The following PRKCH variants were observed in gnomAD, a reference collection of about 807,000 sequenced individuals.
PRKCH encodes the protein protein kinase C eta, also known as protein kinase C eta type.
Under a neutral mutation model 82.5 loss-of-function variants are expected in PRKCH, and 28 were observed. The ratio of observed to expected loss-of-function variants is 0.34; its 90% CI spans 0.25 to 0.47. PRKCH has a LOEUF of 0.47. Among genes scored for constraint, PRKCH ranks in the 20% least tolerant of loss-of-function variants. PRKCH has a pLI of 1.00. For synonymous variants in PRKCH, 322 were observed against 327.4 expected, an observed-to-expected ratio of 0.98 and a Z score of 0.18; for missense variants, 705 against 881.8, an observed-to-expected ratio of 0.80 and a Z score of 2.54.
intron 10 of PRKCH, among the ~76,000 whole-genome samples, chr14:61,526,956 G>A (rs2042973197): frequency 6.6e-6 from 1 of 152,228 alleles, no homozygotes; most frequent in Non-Finnish European, 1.5e-5. Context: ...AAGTGTAAAT[G>A]TCTCACCCAA....
chr14:61,443,900 T>A (rs1335828111), intron 3 of PRKCH, among the ~76,000 whole-genome samples: 2 of 152,216 alleles, frequency 1.3e-5, no homozygotes, highest in Non-Finnish European at 2.9e-5. Context: ...TCTTTAGTGA[T>A]AAATTAAGCA....
Position 61,512,182 on chromosome 14 carries a change from C to A in PRKCH, c.1434-16893C>A, listed in dbSNP as rs538555599. Reference sequence around the variant, plus strand: ...TGTCTGGCTCTGGGGATCAGAAGCACTCAGGGAGCTCTGAGGACAGGATTT... The same window carrying A: ...TGTCTGGCTCTGGGGATCAGAAGCAATCAGGGAGCTCTGAGGACAGGATTT... On this transcript the variant is annotated intron_variant, in intron 10 of 13. Transcript: ENST00000332981. Among the ~76,000 whole-genome samples, 13 of 151,036 alleles carry A rather than the reference C, an allele frequency of 8.6e-5. No homozygotes were observed. In the South Asian group the frequency reaches 2.5e-3, roughly 29 times the overall value.
chr14:61,407,327 A>G lies in PRKCH; in HGVS notation c.427+16039A>G, dbSNP rs374975308. ...CCTACCATTCTGAAGGCGGGACTGC[A>G]TGTCTAATACCACCATCTTATCTAA... On this transcript the variant is annotated intron_variant, in intron 2 of 13. Transcript: ENST00000332981. Among the ~76,000 whole-genome samples, 5 of 152,346 alleles carry G rather than the reference A, an allele frequency of 3.3e-5. No homozygotes were observed. In the South Asian group the frequency reaches 1.0e-3, roughly 32 times the overall value.
At chr14:61,293,590 T>A (rs1345285974) in intron 1 of PRKCH, among the ~76,000 whole-genome samples, 1 of 152,234 alleles carries the variant, frequency 6.6e-6, no homozygotes, top group East Asian at 1.9e-4. Context: ...CCTGAAGATT[T>A]TTTTTAAAAT....
intron 1 of PRKCH, among the ~76,000 whole-genome samples, chr14:61,355,658 A>C (rs2046138150): frequency 6.6e-6 from 1 of 152,198 alleles, no homozygotes; most frequent in African/African-American, 2.4e-5. Context: ...TCTCATATTC[A>C]ACATGGAAAT....
chr14:61,525,792 G>GGAATTTCCAA (rs2042957850), intron 10 of PRKCH: 1 of 152,264 alleles, frequency 6.6e-6, no homozygotes. Flanking sequence ...GAAACTCAGT[G>GGAATTTCCAA]ACCTTGTTTG....
At chr14:61,210,944 G>A (rs2044573937) in intron 1 of PRKCH, among the ~76,000 whole-genome samples, 2 of 152,196 alleles carry the variant, frequency 1.3e-5, no homozygotes, top group South Asian at 4.1e-4. Context: ...GAGGAATCTA[G>A]CGTTAACCCA....
chr14:61,475,558 T>C (rs947881883), intron 9 of PRKCH, among the ~76,000 whole-genome samples: 1 of 152,206 alleles, frequency 6.6e-6, no homozygotes, highest in Non-Finnish European at 1.5e-5. Context: ...TATCATGGCA[T>C]AGAGACTATA....
At chr14:61,509,061 C>T (rs1887269138) in intron 10 of PRKCH, among the ~76,000 whole-genome samples, 1 of 152,118 alleles carries the variant, frequency 6.6e-6, no homozygotes, top group South Asian at 2.1e-4. Context: ...GGTGCTGGAT[C>T]TGAGCCAGTC....
In PRKCH at chr14:61,443,145, T is replaced by G. The variant is rs1884057913; in HGVS notation, c.462T>G (p.Phe154Leu). Residue 154 changes from phenylalanine (F) to leucine (L), a missense_variant, in exon 3 of 14, where the codon TTT (phenylalanine) becomes TTG (leucine). Physicochemically the swap from Phe to Leu is conservative, Grantham distance 22. This residue lies in a region of PRKCH where 246 missense variants were observed against 308.0 expected (regional missense o/e 0.80). Transcript: ENST00000332981. ...TLQRDRIFKH[F>L]TRKRQRAMRR... Reference sequence around the variant, plus strand: ...AGAGAGACCGGATCTTCAAACATTTTACCAGGAAGCGCCAAAGGGCTATGC... The same window carrying G: ...AGAGAGACCGGATCTTCAAACATTTGACCAGGAAGCGCCAAAGGGCTATGC... The G allele has an allele frequency of 6.2e-7, 1 of 1,614,082 alleles. No homozygotes were observed. Among genetic ancestry groups the G allele is most frequent in the Non-Finnish European group, 8.5e-7 (1 of 1,179,930 alleles).
At chr14:61,378,224 CTTT>C (rs552301917) in intron 1 of PRKCH, among the ~76,000 whole-genome samples, 1 of 139,468 alleles carries the variant, frequency 7.2e-6, no homozygotes. Context: ...TTTTCTTTTT[CTTT>C]TTTTTTTTTT....
At chr14:61,332,528 A>G (rs1332336757) in intron 1 of PRKCH, among the ~76,000 whole-genome samples, 2 of 152,222 alleles carry the variant, frequency 1.3e-5, no homozygotes, top group East Asian at 3.9e-4. Flanking sequence ...CACGCCTTTG[A>G]CCTCACAGGG....
chr14:61,321,885 G>A lies in PRKCH; in HGVS notation c.-217G>A, dbSNP rs1475072817. 8.4e-6 allele frequency: 4 copies of A among 478,328 alleles called. No homozygotes were observed. Among genetic ancestry groups the A allele is most frequent in the East Asian group, 7.1e-5 (2 of 27,976 alleles). 29.6% of individuals were successfully genotyped at this position (478,328 alleles called of 1,614,324 possible). A position where few individuals can be genotyped will look rare whatever the true frequency, so the allele number is the denominator to read the frequency against. The stretch of plus-strand genomic sequence containing the variant: ...CCCGGCCCGCTGAGGGCTCGGCGGC[G>A]GGCTCCCCTCCTTTCCACCTCGGGA... On this transcript the variant is annotated 5_prime_UTR_variant, in exon 1 of 14. Coordinates refer to ENST00000332981, the MANE Select transcript of PRKCH (RefSeq NM_006255.5). The surrounding 1 kb of genome is among the most constrained non-coding windows in gnomAD (Gnocchi z 4.1).
chr14:61,475,275 C>G (rs1398094380), intron 9 of PRKCH, among the ~76,000 whole-genome samples: 1 of 152,108 alleles, frequency 6.6e-6, no homozygotes, highest in Non-Finnish European at 1.5e-5. Flanking sequence ...TGAAGAAATC[C>G]TATTGTGGAT....
At chr14:61,335,715 G>C (rs1010441309) in intron 1 of PRKCH, among the ~76,000 whole-genome samples, 1 of 152,154 alleles carries the variant, frequency 6.6e-6, no homozygotes, top group South Asian at 2.1e-4. Context: ...TTTAGATAAT[G>C]CCTATTTTGG....
chr14:61,437,338 A>G (rs534471328), intron 2 of PRKCH, among the ~76,000 whole-genome samples: 42 of 152,172 alleles, frequency 2.8e-4, no homozygotes, highest in Non-Finnish European at 5.1e-4. Flanking sequence ...CCTTCCCGGG[A>G]TATATTTTGC....
At chr14:61,288,838 C>T (rs1353901448) in intron 1 of PRKCH, among the ~76,000 whole-genome samples, 6 of 152,222 alleles carry the variant, frequency 3.9e-5, no homozygotes, top group African/African-American at 9.6e-5. Context: ...ATGCAAGGAA[C>T]GGAAACTTAT....
intron 1 of PRKCH, among the ~76,000 whole-genome samples, chr14:61,271,491 A>G (rs941707248): frequency 6.6e-6 from 1 of 152,202 alleles, no homozygotes; most frequent in Non-Finnish European, 1.5e-5. Flanking sequence ...ATGATTAATC[A>G]TTATTTGCAT....
chr14:61,489,773 G>A (rs1886381261), intron 10 of PRKCH, among the ~76,000 whole-genome samples: 1 of 152,186 alleles, frequency 6.6e-6, no homozygotes, highest in Non-Finnish European at 1.5e-5. Context: ...CTTTTTTCCG[G>A]AGTCAAGCCC....
Sources: gnomAD v4.1 joint callset for allele counts (sites outside exome capture counted in the v4.1 genomes callset) on GRCh38, gnomAD v4.1.1 for gene constraint, gnomAD v4.1.1 regional missense constraint, Gnocchi (gnomAD v3.1) non-coding constraint, MANE v1.5 for transcripts, NCBI Gene and HGNC (gene_info 2026-07-23, HGNC 2026-07-21) for gene names.